RIN2: variants seen among roughly 807,000 people sequenced by gnomAD.
RIN2 encodes Ras and Rab interactor 2, also known as RAB5 interacting protein 2.
In RIN2, 36 loss-of-function variants were observed where a neutral mutation model predicts 78.0. That is an observed-to-expected ratio of 0.46 (90% CI 0.35 to 0.61). The LOEUF is 0.61. Ranked by LOEUF, RIN2 falls within the 20% of genes least tolerant of loss-of-function variation. The pLI, the probability that RIN2 is intolerant of heterozygous loss-of-function variation, is 0.00. For synonymous variants in RIN2, 466 were observed against 466.8 expected, an observed-to-expected ratio of 1.00 and a Z score of 0.02; for missense variants, 1,087 against 1,159.7, an observed-to-expected ratio of 0.94 and a Z score of 0.91.
intron 2 of RIN2, among the ~76,000 whole-genome samples, chr20:19,830,321 C>T (rs1034184875): frequency 6.6e-6 from 1 of 152,074 alleles, no homozygotes; most frequent in African/African-American, 2.4e-5. Flanking sequence ...TTATGCCAGG[C>T]CTCAAATCTT....
chr20:19,971,845 G>T (rs6132254), intron 8 of RIN2, among the ~76,000 whole-genome samples: 1 of 147,932 alleles, frequency 6.8e-6, no homozygotes, highest in African/African-American at 2.5e-5. Flanking sequence ...AGGTTCAAGC[G>T]ATCCTCCCAC....
chr20:19,836,562 T>C (rs1013894175), intron 2 of RIN2, among the ~76,000 whole-genome samples: 2 of 152,200 alleles, frequency 1.3e-5, no homozygotes, highest in African/African-American at 2.4e-5. Context: ...TTTTCATGGA[T>C]AGAATTTCTA....
chr20:19,982,237 G>A (rs539307892), intron 9 of RIN2, among the ~76,000 whole-genome samples: 9 of 152,262 alleles, frequency 5.9e-5, no homozygotes, highest in East Asian at 5.8e-4. Flanking sequence ...CAACCACCCC[G>A]GGAAGCTGTG....
chr20:19,984,295 G>A (rs1324629848), intron 9 of RIN2, among the ~76,000 whole-genome samples: 1 of 152,118 alleles, frequency 6.6e-6, no homozygotes, highest in African/African-American at 2.4e-5. Context: ...CTTACACAAA[G>A]CTAGATGGCA....
intron 2 of RIN2, chr20:19,886,929 A>G: frequency 1.9e-6 from 1 of 524,678 alleles, no homozygotes. Context: ...ATATTGAGTC[A>G]AGGTGTCTAA....
At chr20:19,790,196 C>T (rs540408894) in intron 1 of RIN2, among the ~76,000 whole-genome samples, 1 of 152,170 alleles carries the variant, frequency 6.6e-6, no homozygotes, top group South Asian at 2.1e-4. Context: ...TTTTGGATTT[C>T]TCAATCTGGA....
chr20:19,870,272 A>G lies in RIN2; in HGVS notation c.-36-19294A>G, dbSNP rs528653684. On this transcript the variant is annotated intron_variant, in intron 2 of 12. Coordinates refer to ENST00000255006, the MANE Select transcript of RIN2 (RefSeq NM_018993.4). ...TTTTCCCAATAATGTCCTGTATAGC[A>G]TGTTTCTTTCTCTAGTCCAGGAACT... Among the ~76,000 whole-genome samples the G allele has an allele frequency of 2.6e-5, 4 of 152,296 alleles. No individual in the cohort carries two copies. The South Asian group carries it at 8.3e-4, about 32-fold the overall frequency.
At chr20:19,946,425 A>T (rs1428043606) in intron 4 of RIN2, among the ~76,000 whole-genome samples, 8 of 152,180 alleles carry the variant, frequency 5.3e-5, no homozygotes, top group African/African-American at 9.7e-5. Flanking sequence ...CTACAGGATG[A>T]TCTTCCCAGG....
chr20:19,778,868 G>C (rs1286224881), intron 1 of RIN2, among the ~76,000 whole-genome samples: 1 of 152,086 alleles, frequency 6.6e-6, no homozygotes, highest in Non-Finnish European at 1.5e-5. Flanking sequence ...CTGTATTCCT[G>C]GCCCCCCAAC....
chr20:19,903,718 T>C (rs1291994163), intron 3 of RIN2, among the ~76,000 whole-genome samples: 1 of 152,250 alleles, frequency 6.6e-6, no homozygotes, highest in Non-Finnish European at 1.5e-5. Flanking sequence ...AATGCTGATG[T>C]TGAGAAATCC....
At chr20:19,803,960 T>C (rs1423591401) in intron 2 of RIN2, among the ~76,000 whole-genome samples, 4 of 152,204 alleles carry the variant, frequency 2.6e-5, no homozygotes, top group Non-Finnish European at 4.4e-5. Context: ...TTTATAGCAA[T>C]TGTGAATGGG....
At chr20:19,959,177 T>G (rs1415775166) in intron 5 of RIN2, among the ~76,000 whole-genome samples, 4 of 152,146 alleles carry the variant, frequency 2.6e-5, no homozygotes, top group Non-Finnish European at 5.9e-5. Flanking sequence ...TCACTACAAC[T>G]TTACTCAGAA....
intron 1 of RIN2, among the ~76,000 whole-genome samples, chr20:19,767,117 T>C (rs2033918812): frequency 6.6e-6 from 1 of 152,142 alleles, no homozygotes; most frequent in Non-Finnish European, 1.5e-5. Context: ...GCCTTCAGAA[T>C]GAAGACCCAA....
intron 2 of RIN2, among the ~76,000 whole-genome samples, chr20:19,853,518 G>A (rs375301764): frequency 0.014 from 2,114 of 152,122 alleles, 36 homozygotes; most frequent in South Asian, 0.043. Context: ...AAGTGTTCCT[G>A]TTTCTCCACA....
chr20:19,823,890 G>A (rs79870949), intron 2 of RIN2: 20 of 1,597,062 alleles, frequency 1.3e-5, no homozygotes, highest in East Asian at 4.5e-5. Flanking sequence ...CTTCACCTCC[G>A]GTGCACCTCA....
At chr20:19,970,986 A>G in intron 8 of RIN2, 57 bp downstream of exon 8, 2 of 1,309,638 alleles carry the variant, frequency 1.5e-6, no homozygotes, top group South Asian at 2.5e-5. Context: ...GAGCAGAGTC[A>G]ATGGTGGGCT....
At chr20:19,774,221 T>C (rs1050940342) in intron 1 of RIN2, among the ~76,000 whole-genome samples, 3 of 152,116 alleles carry the variant, frequency 2.0e-5, no homozygotes, top group African/African-American at 7.2e-5. Context: ...GTATCTCACC[T>C]ATCACCCCCG....
rs534202183 is a variant in RIN2 at position 19,890,679 on chromosome 20, C to CAAAAAAAAAAAA, written c.57+1034_57+1045dup. On this transcript the variant is annotated intron_variant, in intron 3 of 12. Transcript: ENST00000255006. ...TATATTGTGTCAACTGTTGACTCTA[C>CAAAAAAAAAAAA]AAAAAAAAAAAAAAAAAAAAAAAAC... 3.1e-3 allele frequency among the ~76,000 whole-genome samples: 198 copies of CAAAAAAAAAAAA among 64,434 alleles called. 24 individuals are homozygous for CAAAAAAAAAAAA. The highest frequency in any genetic ancestry group is 9.3e-3 in the African/African-American group (162 of 17,430). 42.3% of individuals were successfully genotyped at this position (64,434 alleles called of 152,430 possible). A position where few individuals can be genotyped will look rare whatever the true frequency, so the allele number is the denominator to read the frequency against.
rs2043135749 is a variant in RIN2 at position 20,001,337 on chromosome 20, C to CCCTG, written c.*405_*408dup. 1 of 156,396 alleles carries CCCTG rather than the reference C, an allele frequency of 6.4e-6. No individual in the cohort carries two copies. The highest frequency in any genetic ancestry group is 1.4e-5 in the Non-Finnish European group (1 of 73,026). 9.7% of individuals were successfully genotyped at this position (156,396 alleles called of 1,614,324 possible). A position where few individuals can be genotyped will look rare whatever the true frequency, so the allele number is the denominator to read the frequency against. On this transcript the variant is annotated 3_prime_UTR_variant, in exon 13 of 13. Transcript: ENST00000255006. ...TTCTCACTCCTGTGGATGGCTTCAT[C>CCCTG]CCTGCCTTCCTTCCTTTCTTTTTCC...
Sources: gnomAD v4.1 joint callset for allele counts (sites outside exome capture counted in the v4.1 genomes callset) on GRCh38, gnomAD v4.1.1 for gene constraint, MANE v1.5 for transcripts, NCBI Gene and HGNC (gene_info 2026-07-23, HGNC 2026-07-21) for gene names.